LARGE1: variants seen among roughly 807,000 people sequenced by gnomAD.
LARGE1 encodes the protein xylosyl- and glucuronyltransferase LARGE1.
LARGE1 carries 43 observed loss-of-function variants against 87.6 expected under a neutral mutation model. The ratio of observed to expected loss-of-function variants is 0.49; its 90% CI spans 0.38 to 0.63. The LOEUF (loss-of-function observed/expected upper bound fraction) is 0.63. LARGE1 is among the 30% of genes least tolerant of loss of function. The pLI, the probability that LARGE1 is intolerant of heterozygous loss-of-function variation, is 0.00. For synonymous variants in LARGE1, 434 were observed against 394.6 expected (o/e 1.10, Z -1.18); for missense variants, 802 against 1,000.2 (o/e 0.80, Z 2.67).
chr22:33,665,053 C>T (rs1422823041), intron 2 of LARGE1, among the ~76,000 whole-genome samples: 3 of 152,206 alleles, frequency 2.0e-5, no homozygotes, highest in Non-Finnish European at 4.4e-5. Context: ...AGCAAGCACT[C>T]TCCCACTCAG....
chr22:33,914,967 C>G (rs1289366215), intron 1 of LARGE1, among the ~76,000 whole-genome samples: 1 of 151,070 alleles, frequency 6.6e-6, no homozygotes, highest in Non-Finnish European at 1.5e-5. Flanking sequence ...GTCTCCCAAT[C>G]AACATAGGGA....
At chr22:33,922,292 G>A (rs912999441), upstream of LARGE1, 1 of 152,130 alleles carries the variant, frequency 6.6e-6, no homozygotes, top group African/African-American at 2.4e-5. Flanking sequence ...GGCGGCAAGG[G>A]CTTCGGAGGC....
chr22:33,235,460 A>C (rs1286009729), intron 11 of LARGE1, among the ~76,000 whole-genome samples: 1 of 152,144 alleles, frequency 6.6e-6, no homozygotes, highest in African/African-American at 2.4e-5. Flanking sequence ...CGAGTTTGGG[A>C]CAAGCTTGGT....
At chr22:33,305,588 C>T (rs932163634) in intron 11 of LARGE1, 10 of 985,122 alleles carry the variant, frequency 1.0e-5, no homozygotes, top group African/African-American at 5.2e-5. Context: ...TTTATTCGGA[C>T]GATTACCAGG....
At chr22:33,567,447 G>T (rs1017790830) in intron 5 of LARGE1, among the ~76,000 whole-genome samples, 2 of 152,134 alleles carry the variant, frequency 1.3e-5, no homozygotes, top group African/African-American at 2.4e-5. Flanking sequence ...GAAGGTAAGG[G>T]TCTGTGGGAT....
At chr22:33,342,614 C>T (rs1315702782) in intron 9 of LARGE1, among the ~76,000 whole-genome samples, 1 of 152,150 alleles carries the variant, frequency 6.6e-6, no homozygotes, top group East Asian at 1.9e-4. Flanking sequence ...AATGAGTCTG[C>T]CCAACATCAC....
intron 7 of LARGE1, among the ~76,000 whole-genome samples, chr22:33,393,838 G>C (rs574774485): frequency 6.6e-6 from 1 of 152,296 alleles, no homozygotes; most frequent in African/African-American, 2.4e-5. Context: ...GTTGTGCTGG[G>C]AGCACAGAGA....
intron 1 of LARGE1, among the ~76,000 whole-genome samples, chr22:33,866,907 A>G (rs1455109926): frequency 6.6e-6 from 1 of 152,208 alleles, no homozygotes; most frequent in Non-Finnish European, 1.5e-5. Context: ...CCTTGCCCTC[A>G]TGGAGCTTAC....
the LARGE1 span, among the ~76,000 whole-genome samples, chr22:33,077,031 T>G: frequency 7.9e-5 from 12 of 152,190 alleles, no homozygotes; most frequent in African/African-American, 2.9e-4. Flanking sequence ...TTCTACCCAG[T>G]AAGACTATCT....
chr22:33,204,495 C>T (rs1924584280), intron 11 of LARGE1, among the ~76,000 whole-genome samples: 1 of 152,072 alleles, frequency 6.6e-6, no homozygotes. Context: ...TTCAAGACTC[C>T]TATAAACCTC....
chr22:33,738,111 A>G (rs1049122169), intron 2 of LARGE1, among the ~76,000 whole-genome samples: 2 of 152,130 alleles, frequency 1.3e-5, no homozygotes, highest in Non-Finnish European at 2.9e-5. Flanking sequence ...ATTTCAGGTA[A>G]TCGAATTTGG....
At chr22:33,238,543 A>C (rs1926361847) in intron 11 of LARGE1, among the ~76,000 whole-genome samples, 1 of 152,226 alleles carries the variant, frequency 6.6e-6, no homozygotes, top group Non-Finnish European at 1.5e-5. Flanking sequence ...CCACCAAAGA[A>C]AATGCATTTG....
At chr22:33,899,091 C>G (rs552810500) in intron 1 of LARGE1, among the ~76,000 whole-genome samples, 1 of 152,216 alleles carries the variant, frequency 6.6e-6, no homozygotes, top group Non-Finnish European at 1.5e-5. Context: ...ATTCCCATTT[C>G]AATTACCACA....
At chr22:33,672,445 C>T (rs534998629) in intron 2 of LARGE1, among the ~76,000 whole-genome samples, 2 of 152,204 alleles carry the variant, frequency 1.3e-5, no homozygotes, top group Non-Finnish European at 2.9e-5. Flanking sequence ...ATTGCCAAGT[C>T]TGTGAGAAAG....
At chr22:33,429,860 G>A (rs572963693) in intron 7 of LARGE1, among the ~76,000 whole-genome samples, 4 of 152,222 alleles carry the variant, frequency 2.6e-5, no homozygotes, top group East Asian at 3.9e-4. Flanking sequence ...TCCCTGGCCC[G>A]CTGTGGGTTC....
chr22:33,782,823 C>T (rs916750714), intron 1 of LARGE1, among the ~76,000 whole-genome samples: 5 of 150,906 alleles, frequency 3.3e-5, no homozygotes, highest in Non-Finnish European at 7.4e-5. Context: ...CAACATCACG[C>T]CACTGCACTC....
chr22:33,639,669 C>T (rs2080370044), intron 3 of LARGE1, among the ~76,000 whole-genome samples: 1 of 152,150 alleles, frequency 6.6e-6, no homozygotes, highest in African/African-American at 2.4e-5. Context: ...ATTCTGATAC[C>T]AGTTCCAGTG....
the LARGE1 span, among the ~76,000 whole-genome samples, chr22:33,075,049 A>C: frequency 6.6e-6 from 1 of 152,222 alleles, no homozygotes; most frequent in Admixed American, 6.5e-5. Context: ...TGTTGGAACC[A>C]AGATTTAAAT....
intron 9 of LARGE1, among the ~76,000 whole-genome samples, chr22:33,372,643 AG>A (rs1394438469): frequency 6.6e-6 from 1 of 152,198 alleles, no homozygotes; most frequent in African/African-American, 2.4e-5. Context: ...TATTTCCACC[AG>A]GTCCCTCCCA....
Sources: gnomAD v4.1 joint callset for allele counts (sites outside exome capture counted in the v4.1 genomes callset) on GRCh38, gnomAD v4.1.1 for gene constraint, MANE v1.5 for transcripts, NCBI Gene and HGNC (gene_info 2026-07-23, HGNC 2026-07-21) for gene names.